The following AVL9 variants were observed in gnomAD, a reference collection of about 807,000 sequenced individuals.
The protein encoded by AVL9 is late secretory pathway protein AVL9 homolog.
Under a neutral mutation model 79.2 loss-of-function variants are expected in AVL9, and 49 were observed. The ratio of observed to expected loss-of-function variants is 0.62; its 90% CI spans 0.49 to 0.79. AVL9 has a LOEUF of 0.79. Among genes scored for constraint, AVL9 ranks in the 30% least tolerant of loss-of-function variants. The pLI, the probability that AVL9 is intolerant of heterozygous loss-of-function variation, is 0.00. For missense variants in AVL9, 682 were observed against 776.8 expected (o/e 0.88, Z 1.45); for synonymous variants, 299 against 280.6 (o/e 1.07, Z -0.65).
rs1791272278 is a variant in AVL9 at position 32,579,406 on chromosome 7, T to C, written c.1689-813T>C. On this transcript the variant is annotated intron_variant, in intron 13 of 15. Transcript: ENST00000318709. ...ATAACATATTATATGTTATATATTA[T>C]ATATAATATGTTATATATATAATAT... Among the ~76,000 whole-genome samples, 10 of 14,866 alleles carry C rather than the reference T, an allele frequency of 6.7e-4. 1 individual carries two copies. Among genetic ancestry groups the C allele is most frequent in the African/African-American group, 1.7e-3 (7 of 4,044 alleles). The allele number at this position is 14,866 out of a possible 152,430, so 9.8% of individuals were successfully genotyped here. A position where few individuals can be genotyped will look rare whatever the true frequency, so the allele number is the denominator to read the frequency against.
chr7:32,501,934 A>G (rs985846693), intron 1 of AVL9, among the ~76,000 whole-genome samples: 69 of 152,296 alleles, frequency 4.5e-4, no homozygotes, highest in African/African-American at 1.5e-3. Flanking sequence ...TAATTTTAAG[A>G]CTGCTCCTTT....
intron 9 of AVL9, 146 bp downstream of exon 9, chr7:32,558,774 C>T: frequency 9.9e-7 from 1 of 1,012,082 alleles, no homozygotes; most frequent in East Asian, 2.7e-5. Flanking sequence ...AGGTTTCTCT[C>T]TTTTGTCTGG....
At chr7:32,558,110 T>C (rs1426215418) in intron 8 of AVL9, among the ~76,000 whole-genome samples, 1 of 151,510 alleles carries the variant, frequency 6.6e-6, no homozygotes, top group Non-Finnish European at 1.5e-5. Flanking sequence ...CGCCTTGGCC[T>C]CCCAAAGTGC....
At chr7:32,546,245 C>G (rs886283546) in intron 3 of AVL9, among the ~76,000 whole-genome samples, 6 of 152,140 alleles carry the variant, frequency 3.9e-5, no homozygotes, top group African/African-American at 1.4e-4. Flanking sequence ...AAATTTAAAA[C>G]ATAGTACCTT....
intron 1 of AVL9, among the ~76,000 whole-genome samples, chr7:32,496,295 T>A (rs766627890): frequency 2.0e-5 from 3 of 152,214 alleles, no homozygotes; most frequent in Non-Finnish European, 4.4e-5. Context: ...CTTCCTTTGT[T>A]TATCTGATGG....
rs1322718254 is a variant in AVL9, at chr7:32,585,283, G to A, written c.*1376G>A. On this transcript the variant is annotated 3_prime_UTR_variant, in exon 16 of 16. Coordinates refer to ENST00000318709, the MANE Select transcript of AVL9 (RefSeq NM_015060.3). ...GAAATCTCATCTTAGTTTATATTCAGCAAAGTAAGAGGCAAGAGAAGAAAA... is the reference window on the plus strand; with the variant it reads ...GAAATCTCATCTTAGTTTATATTCAACAAAGTAAGAGGCAAGAGAAGAAAA... 3 of 152,170 alleles carry A rather than the reference G, an allele frequency of 2.0e-5. No homozygotes were observed. The highest frequency in any genetic ancestry group is 3.8e-4 in the East Asian group (2 of 5,196). The allele number at this position is 152,170 out of a possible 1,614,324, so 9.4% of individuals were successfully genotyped here. A position where few individuals can be genotyped will look rare whatever the true frequency, so the allele number is the denominator to read the frequency against.
chr7:32,581,089 G>C (rs898411893), intron 15 of AVL9, 199 bp downstream of exon 15: 17 of 530,580 alleles, frequency 3.2e-5, no homozygotes, highest in Non-Finnish European at 5.3e-5. Context: ...ATCTAATAGA[G>C]AGTGACAAAA....
chr7:32,559,648 A>C (rs1790246626), intron 10 of AVL9, among the ~76,000 whole-genome samples, 184 bp downstream of exon 10: 1 of 152,184 alleles, frequency 6.6e-6, no homozygotes, highest in South Asian at 2.1e-4. Flanking sequence ...ATGGGGAAGT[A>C]TATAGGGGAT....
intron 1 of AVL9, among the ~76,000 whole-genome samples, chr7:32,504,087 T>G (rs1219663185): frequency 6.6e-6 from 1 of 152,202 alleles, no homozygotes; most frequent in Non-Finnish European, 1.5e-5. Flanking sequence ...TCCCAGAAAT[T>G]ATAATATCTT....
chr7:32,549,043 C>T, intron 4 of AVL9, 125 bp downstream of exon 4: 1 of 500,176 alleles, frequency 2.0e-6, no homozygotes, highest in Non-Finnish European at 3.3e-6. Context: ...GCCCTAGCAT[C>T]TCCTCATTCT....
intron 1 of AVL9, among the ~76,000 whole-genome samples, chr7:32,512,907 A>C (rs576556892): frequency 6.6e-6 from 1 of 152,140 alleles, no homozygotes. Flanking sequence ...CACATGTTTC[A>C]TACTGACTCC....
intron 1 of AVL9, among the ~76,000 whole-genome samples, chr7:32,510,622 G>C (rs1408583341): frequency 7.1e-6 from 1 of 141,164 alleles, no homozygotes; most frequent in Non-Finnish European, 1.5e-5. Flanking sequence ...TGGCACTTCT[G>C]AACTGCCCCA....
At chr7:32,506,459 G>A (rs1787418012) in intron 1 of AVL9, among the ~76,000 whole-genome samples, 1 of 152,102 alleles carries the variant, frequency 6.6e-6, no homozygotes, top group South Asian at 2.1e-4. Context: ...GCTGGTTGAT[G>A]GGATGATTCA....
chr7:32,535,132 G>T (rs1788838751), intron 1 of AVL9: 1 of 152,154 alleles, frequency 6.6e-6, no homozygotes, highest in Non-Finnish European at 1.5e-5. Flanking sequence ...AAGTAATCCT[G>T]TGCCAAAGAG....
At chr7:32,530,469 C>G (rs981505359) in intron 1 of AVL9, among the ~76,000 whole-genome samples, 32 of 152,302 alleles carry the variant, frequency 2.1e-4, no homozygotes, top group African/African-American at 7.7e-4. Flanking sequence ...ACTTACGTTT[C>G]AATAAATGCC....
intron 10 of AVL9, among the ~76,000 whole-genome samples, chr7:32,566,238 G>A (rs1319969759): frequency 7.3e-6 from 1 of 136,082 alleles, no homozygotes; most frequent in Non-Finnish European, 1.5e-5. Context: ...ATGCAGTGGT[G>A]CAATCTCGGC....
At position 32,543,126 on chromosome 7, in the gene AVL9, T is replaced by G; in HGVS notation, c.94-15T>G. The G allele has an allele frequency of 1.2e-6, 2 of 1,612,894 alleles. No homozygotes were observed. The highest frequency in any genetic ancestry group is 1.7e-6 in the Non-Finnish European group (2 of 1,179,708). On this transcript the variant is annotated splice_polypyrimidine_tract_variant and intron_variant, in intron 1 of 15. Transcript: ENST00000318709. ...TGGTCAACCACCTTTTGGCTAACATTCCTTACTATTTTAGGTTGAATTCTC... is the reference window on the plus strand; with the variant it reads ...TGGTCAACCACCTTTTGGCTAACATGCCTTACTATTTTAGGTTGAATTCTC...
intron 13 of AVL9, among the ~76,000 whole-genome samples, chr7:32,579,362 C>CATATT (rs1791260595): frequency 1.7e-5 from 1 of 58,378 alleles, no homozygotes; most frequent in African/African-American, 7.5e-5. Context: ...TAATATATAA[C>CATATT]ATATATAATA....
intron 15 of AVL9, chr7:32,581,172 C>T (rs1035450983): frequency 1.0e-5 from 4 of 385,322 alleles, no homozygotes; most frequent in East Asian, 1.1e-4. Flanking sequence ...ATTCCCTGTG[C>T]TGTCCACAGT....
Sources: gnomAD v4.1 joint callset for allele counts (sites outside exome capture counted in the v4.1 genomes callset) on GRCh38, gnomAD v4.1.1 for gene constraint, MANE v1.5 for transcripts, NCBI Gene and HGNC (gene_info 2026-07-23, HGNC 2026-07-21) for gene names.